ERBB4: variants seen among roughly 807,000 people sequenced by gnomAD.
ERBB4 encodes the protein erb-b2 receptor tyrosine kinase 4, also known as receptor tyrosine-protein kinase erbB-4.
ERBB4 carries 42 observed loss-of-function variants against 158.0 expected under a neutral mutation model. The ratio of observed to expected loss-of-function variants is 0.27; its 90% CI spans 0.21 to 0.34. The LOEUF is 0.34. Ranked by LOEUF, ERBB4 falls within the 10% of genes least tolerant of loss-of-function variation. The probability of loss-of-function intolerance (pLI) is 1.00; values close to 1 mark genes in which losing one functional copy is unlikely to be tolerated. For synonymous variants in ERBB4, 583 were observed against 558.7 expected (o/e 1.04, Z -0.61); for missense variants, 1,333 against 1,624.1 (o/e 0.82, Z 3.08).
chr2:211,880,057 T>A (rs369236855), intron 3 of ERBB4, among the ~76,000 whole-genome samples: 1 of 151,572 alleles, frequency 6.6e-6, no homozygotes, highest in Non-Finnish European at 1.5e-5. Flanking sequence ...TATGTGAAAA[T>A]AATTTTCACA....
chr2:211,395,847 T>C (rs975499719), intron 25 of ERBB4, among the ~76,000 whole-genome samples: 23 of 152,208 alleles, frequency 1.5e-4, no homozygotes, highest in Admixed American at 1.5e-3. Context: ...TACATGCTTA[T>C]TGTCAGTTGA....
chr2:212,525,749 G>A (rs773457671), intron 1 of ERBB4, among the ~76,000 whole-genome samples: 121 of 151,792 alleles, frequency 8.0e-4, no homozygotes, highest in Non-Finnish European at 1.1e-3. Flanking sequence ...TTTGAGTTTT[G>A]TTTGTTTTGT....
chr2:212,187,574 T>G (rs2082052241), intron 1 of ERBB4, among the ~76,000 whole-genome samples: 1 of 152,032 alleles, frequency 6.6e-6, no homozygotes, highest in African/African-American at 2.4e-5. Context: ...AAAAGTAAAT[T>G]TGAAAACAAG....
At chr2:212,259,743 T>C (rs1339535170) in intron 1 of ERBB4, among the ~76,000 whole-genome samples, 1 of 152,136 alleles carries the variant, frequency 6.6e-6, no homozygotes, top group East Asian at 1.9e-4. Flanking sequence ...TGGTACGATT[T>C]CTACCGATGG....
At chr2:211,568,149 T>C (rs1270589943) in intron 19 of ERBB4, among the ~76,000 whole-genome samples, 1 of 150,818 alleles carries the variant, frequency 6.6e-6, no homozygotes, top group African/African-American at 2.5e-5. Flanking sequence ...TTTTTTTTTT[T>C]CTTGTAGGTA....
intron 22 of ERBB4, among the ~76,000 whole-genome samples, chr2:211,426,681 C>T (rs996985206): frequency 2.0e-5 from 3 of 151,320 alleles, no homozygotes; most frequent in African/African-American, 4.9e-5. Flanking sequence ...TTAAATTTGC[C>T]TTCAGGAGAC....
rs557293992 is a variant in ERBB4, at chr2:211,811,045, A to T, written c.422-22886T>A. Among the ~76,000 whole-genome samples, 10 of 152,046 alleles carry T rather than the reference A, an allele frequency of 6.6e-5. No homozygotes were observed. The South Asian group carries it at 2.1e-3, about 32-fold the overall frequency. On this transcript the variant is annotated intron_variant, in intron 3 of 27. Transcript: ENST00000342788. ...GTTAATATTGTTACCTGTGAATTTG[A>T]TTCTGTTATTATGATGTTAGCTGGT...
chr2:211,520,835 T>A (rs1281293226), intron 20 of ERBB4, among the ~76,000 whole-genome samples: 1 of 152,152 alleles, frequency 6.6e-6, no homozygotes, highest in African/African-American at 2.4e-5. Context: ...TTTGTTATAA[T>A]TATTATATCT....
chr2:211,382,097 T>C lies in ERBB4; in HGVS notation c.*1518A>G, dbSNP rs2062582829. 1 of 230,060 alleles carries C rather than the reference T, an allele frequency of 4.3e-6. No individual in the cohort carries two copies. The highest frequency in any genetic ancestry group is 8.6e-6 in the Non-Finnish European group (1 of 116,180). The allele number at this position is 230,060 out of a possible 1,614,324, so 14.3% of individuals were successfully genotyped here. ...ATAATAAAATAATTGCATGAGAAGA[T>C]GTTTCACATTTATTTACAACTTTTG... On this transcript the variant is annotated 3_prime_UTR_variant, in exon 28 of 28. Transcript: ENST00000342788.
chr2:211,903,119 A>G (rs368131500), intron 3 of ERBB4, among the ~76,000 whole-genome samples: 1 of 151,636 alleles, frequency 6.6e-6, no homozygotes, highest in South Asian at 2.1e-4. Context: ...CTTTCCCTCC[A>G]CATTTGCCAC....
chr2:211,616,037 A>G (rs1574862096), intron 19 of ERBB4, among the ~76,000 whole-genome samples: 1 of 152,100 alleles, frequency 6.6e-6, no homozygotes, highest in East Asian at 1.9e-4. Flanking sequence ...CTTGAAAGTT[A>G]TCCTTGGAAC....
intron 3 of ERBB4, among the ~76,000 whole-genome samples, chr2:211,909,730 A>G (rs111387897): frequency 1.3e-5 from 2 of 151,802 alleles, no homozygotes; most frequent in African/African-American, 4.8e-5. Context: ...TAGGTGGCAC[A>G]TGACTGTATG....
At chr2:212,061,258 A>G (rs2077755166) in intron 2 of ERBB4, among the ~76,000 whole-genome samples, 1 of 151,148 alleles carries the variant, frequency 6.6e-6, no homozygotes, top group African/African-American at 2.4e-5. Flanking sequence ...GGAGTTTGAG[A>G]CCTTGCCAAC....
chr2:212,164,884 T>C (rs568390197), intron 1 of ERBB4, among the ~76,000 whole-genome samples: 123 of 152,184 alleles, frequency 8.1e-4, no homozygotes, highest in African/African-American at 2.8e-3. Flanking sequence ...TGAGTGTGTA[T>C]ACTATTATTT....
chr2:212,510,429 G>C (rs2106276159), intron 1 of ERBB4, among the ~76,000 whole-genome samples: 1 of 151,876 alleles, frequency 6.6e-6, no homozygotes, highest in South Asian at 2.1e-4. Context: ...TGGAGACTAA[G>C]ACCTTACTGA....
intron 19 of ERBB4, among the ~76,000 whole-genome samples, chr2:211,580,461 T>C (rs2068034033): frequency 6.6e-6 from 1 of 151,876 alleles, no homozygotes; most frequent in Admixed American, 6.6e-5. Flanking sequence ...ACCTTACTCC[T>C]ACAAGAATGG....
At chr2:212,489,457 A>T (rs977443148) in intron 1 of ERBB4, among the ~76,000 whole-genome samples, 2 of 152,030 alleles carry the variant, frequency 1.3e-5, no homozygotes, top group African/African-American at 4.8e-5. Flanking sequence ...ACTCTGAGCC[A>T]TAAAATTAAA....
At chr2:211,658,891 G>A (rs141032334) in intron 15 of ERBB4, among the ~76,000 whole-genome samples, 189 of 152,048 alleles carry the variant, frequency 1.2e-3, no homozygotes, top group Middle Eastern at 0.01. Flanking sequence ...CAATATACTC[G>A]AACTCTTTAT....
intron 1 of ERBB4, among the ~76,000 whole-genome samples, chr2:212,502,019 C>A (rs942426182): frequency 1.3e-4 from 20 of 151,860 alleles, no homozygotes; most frequent in African/African-American, 4.8e-4. Context: ...ATTTTATATA[C>A]AAAAACAAGT....
Sources: gnomAD v4.1 joint callset for allele counts (sites outside exome capture counted in the v4.1 genomes callset) on GRCh38, gnomAD v4.1.1 for gene constraint, MANE v1.5 for transcripts, NCBI Gene and HGNC (gene_info 2026-07-23, HGNC 2026-07-21) for gene names.